The following SPAG17 variants were observed in gnomAD, a reference collection of about 807,000 sequenced individuals.
SPAG17 encodes the protein sperm associated antigen 17.
Under a neutral mutation model 273.6 loss-of-function variants are expected in SPAG17, and 169 were observed. The observed-to-expected ratio is 0.62, with a 90% CI of 0.55 to 0.70. The LOEUF is 0.70. Among genes scored for constraint, SPAG17 ranks in the 30% least tolerant of loss-of-function variants. SPAG17 has a pLI of 0.00. For synonymous variants in SPAG17, 825 were observed against 873.2 expected (o/e 0.94, Z 0.97); for missense variants, 2,557 against 2,627.8 (o/e 0.97, Z 0.59).
Position 118,081,372 on chromosome 1 carries a change from C to G in SPAG17, c.1990+43G>C, listed in dbSNP as rs376889950. On this transcript the variant is annotated intron_variant, in intron 14 of 48. Coordinates refer to ENST00000336338, the MANE Select transcript of SPAG17 (RefSeq NM_206996.4). ...ATACAATATGAGAAAAATTGACGAT[C>G]ATAAAATACAAGAATGCTTTCCATT... is the stretch of plus-strand genomic sequence containing the variant. The G allele has an allele frequency of 4.3e-6, 7 of 1,611,750 alleles. No individual in the cohort carries two copies. The African/African-American group carries it at 8.0e-5, about 18-fold the overall frequency.
At chr1:118,044,654 T>A (rs947027963) in intron 20 of SPAG17, among the ~76,000 whole-genome samples, 13 of 152,284 alleles carry the variant, frequency 8.5e-5, no homozygotes, top group African/African-American at 2.4e-4. Flanking sequence ...TAATCTCCAA[T>A]GTTGGAGGAG....
At chr1:118,058,421 G>C (rs1651933245) in intron 18 of SPAG17, among the ~76,000 whole-genome samples, 1 of 152,140 alleles carries the variant, frequency 6.6e-6, no homozygotes, top group Non-Finnish European at 1.5e-5. Context: ...TGCCCAGGCT[G>C]GTTTGAAACT....
At chr1:118,134,239 T>A (rs1658215151) in intron 3 of SPAG17, among the ~76,000 whole-genome samples, 1 of 152,126 alleles carries the variant, frequency 6.6e-6, no homozygotes, top group African/African-American at 2.4e-5. Flanking sequence ...AATAAATTAG[T>A]GAATAGAAAA....
chr1:118,126,047 T>TTTG (rs1553253547), intron 3 of SPAG17, among the ~76,000 whole-genome samples: 1 of 150,224 alleles, frequency 6.7e-6, no homozygotes. Flanking sequence ...TTTTCTGTTT[T>TTTG]TTTTTTTTTT....
chr1:117,999,781 C>T (rs185358643), intron 32 of SPAG17, among the ~76,000 whole-genome samples: 1 of 152,260 alleles, frequency 6.6e-6, no homozygotes, highest in East Asian at 1.9e-4. Context: ...GTTGCCTGTT[C>T]ACTCTGATGG....
intron 31 of SPAG17, 48 bp from the exon 32 acceptor site, chr1:118,005,650 A>G: frequency 7.5e-7 from 1 of 1,337,264 alleles, no homozygotes; most frequent in Non-Finnish European, 9.7e-7. Context: ...TTCTTGTTAA[A>G]TATGTGGGAC....
intron 48 of SPAG17, chr1:117,963,109 AACACAGT>A (rs1054470185): frequency 4.6e-5 from 7 of 152,296 alleles, no homozygotes; most frequent in Non-Finnish European, 8.8e-5. Context: ...ATGTTTTTAG[AACACAGT>A]ACACATTGTG....
intron 25 of SPAG17, among the ~76,000 whole-genome samples, 186 bp from the exon 26 acceptor site, chr1:118,028,580 G>A (rs749924576): frequency 6.6e-6 from 1 of 152,196 alleles, no homozygotes; most frequent in East Asian, 1.9e-4. Context: ...TGGCACATAG[G>A]TGAGACAAAT....
chr1:118,120,532 C>T (rs1229357759), intron 3 of SPAG17, among the ~76,000 whole-genome samples: 4 of 152,234 alleles, frequency 2.6e-5, no homozygotes, highest in South Asian at 4.2e-4. Flanking sequence ...TTTATTAATG[C>T]AGGAGATGCT....
chr1:118,006,219 C>A (rs936902907), intron 31 of SPAG17, among the ~76,000 whole-genome samples: 1 of 152,188 alleles, frequency 6.6e-6, no homozygotes, highest in East Asian at 1.9e-4. Context: ...ACACTTTTAT[C>A]ATCGCCCAAA....
chr1:118,156,718 T>A (rs1659666954), intron 1 of SPAG17, among the ~76,000 whole-genome samples: 1 of 152,092 alleles, frequency 6.6e-6, no homozygotes, highest in Non-Finnish European at 1.5e-5. Flanking sequence ...TTCTCCCGTC[T>A]CCTATTAGAA....
chr1:118,059,369 A>T lies in SPAG17; in HGVS notation c.2541-3455T>A, dbSNP rs1652031553. Among the ~76,000 whole-genome samples, 2 of 152,110 alleles carry T rather than the reference A, an allele frequency of 1.3e-5. 1 individual carries two copies. The highest frequency in any genetic ancestry group is 4.1e-4 in the South Asian group (2 of 4,834). ...TAATCCATTTTTTGAATTTTAATTT[A>T]TTTTTAAATAAATAAAAATTGTAAA... On this transcript the variant is annotated intron_variant, in intron 18 of 48. Transcript: ENST00000336338.
intron 1 of SPAG17, among the ~76,000 whole-genome samples, chr1:118,169,482 C>A (rs1301721261): frequency 3.3e-5 from 5 of 152,108 alleles, no homozygotes; most frequent in Non-Finnish European, 7.4e-5. Flanking sequence ...TGAGTATTTC[C>A]AGTAAGTCTT....
At chr1:118,038,263 C>G (rs1315537866) in intron 23 of SPAG17, among the ~76,000 whole-genome samples, 1 of 152,080 alleles carries the variant, frequency 6.6e-6, no homozygotes, top group African/African-American at 2.4e-5. Context: ...TGGAGAAAAT[C>G]TAAAACAGAA....
intron 46 of SPAG17, among the ~76,000 whole-genome samples, chr1:117,969,745 G>A (rs890287025): frequency 6.6e-6 from 1 of 152,096 alleles, no homozygotes; most frequent in Non-Finnish European, 1.5e-5. Flanking sequence ...TGAAAAGGTA[G>A]TTTTTATACA....
intron 7 of SPAG17, among the ~76,000 whole-genome samples, 173 bp downstream of exon 7, chr1:118,097,497 G>A (rs1375455913): frequency 6.6e-6 from 1 of 152,120 alleles, no homozygotes; most frequent in Admixed American, 6.6e-5. Flanking sequence ...TAATGAATCA[G>A]ACTATAACTA....
intron 3 of SPAG17, among the ~76,000 whole-genome samples, chr1:118,139,580 T>C (rs1265733541): frequency 6.6e-6 from 1 of 152,124 alleles, no homozygotes; most frequent in African/African-American, 2.4e-5. Context: ...CATCAACATA[T>C]GGATAGATAA....
At chr1:118,165,461 G>C (rs1261854372) in intron 1 of SPAG17, among the ~76,000 whole-genome samples, 1 of 151,900 alleles carries the variant, frequency 6.6e-6, no homozygotes, top group Non-Finnish European at 1.5e-5. Flanking sequence ...ATTTACCCCA[G>C]ACAACGACGC....
chr1:117,982,690 A>G (rs2101597937), intron 42 of SPAG17, among the ~76,000 whole-genome samples: 1 of 152,326 alleles, frequency 6.6e-6, no homozygotes, highest in South Asian at 2.1e-4. Context: ...AATTAACAGT[A>G]ATTTAACAAT....
Sources: allele counts gnomAD v4.1 joint callset (sites outside exome capture counted in the v4.1 genomes callset), GRCh38; gene constraint gnomAD v4.1.1; transcripts MANE v1.5; gene names NCBI Gene and HGNC (gene_info 2026-07-23, HGNC 2026-07-21).